The following PRKCE variants were observed in gnomAD, a reference collection of about 807,000 sequenced individuals.
The protein encoded by PRKCE is protein kinase C epsilon.
A neutral mutation model predicts 85.4 loss-of-function variants in PRKCE; 16 were observed. The observed-to-expected ratio is 0.19, with a 90% CI of 0.13 to 0.28. The LOEUF (loss-of-function observed/expected upper bound fraction) is 0.28. Ranked by LOEUF, PRKCE falls within the 10% of genes least tolerant of loss-of-function variation. The pLI, the probability that PRKCE is intolerant of heterozygous loss-of-function variation, is 1.00. For missense variants in PRKCE, 573 were observed against 975.2 expected (o/e 0.59, Z 5.49); for synonymous variants, 388 against 371.5 (o/e 1.04, Z -0.51).
At chr2:45,994,635 G>A (rs1412116723) in intron 6 of PRKCE, among the ~76,000 whole-genome samples, 1 of 152,136 alleles carries the variant, frequency 6.6e-6, no homozygotes, top group Non-Finnish European at 1.5e-5. Flanking sequence ...TTCTTTTTAA[G>A]GCTGGATAAT....
intron 1 of PRKCE, among the ~76,000 whole-genome samples, chr2:45,777,880 A>G (rs1437786586): frequency 6.6e-6 from 1 of 152,154 alleles, no homozygotes; most frequent in East Asian, 1.9e-4. Context: ...GATAGCAACA[A>G]TTCAACACAG....
chr2:46,063,348 GAAA>G (rs547596116), intron 10 of PRKCE, among the ~76,000 whole-genome samples: 6 of 118,020 alleles, frequency 5.1e-5, no homozygotes, highest in South Asian at 5.1e-4. Flanking sequence ...AAGTTGAACA[GAAA>G]AAAAAAAAAA....
intron 2 of PRKCE, among the ~76,000 whole-genome samples, chr2:45,931,724 TGA>T (rs58993200): frequency 7.2e-5 from 11 of 152,150 alleles, no homozygotes; most frequent in Admixed American, 5.2e-4. Context: ...TTTTTTTTTT[TGA>T]GAGAGAGTCT....
intron 1 of PRKCE, among the ~76,000 whole-genome samples, chr2:45,671,647 G>A (rs569465032): frequency 1.2e-4 from 19 of 152,090 alleles, no homozygotes; most frequent in Admixed American, 3.3e-4. Context: ...GGAAAGGTTC[G>A]TAGACCATTT....
chr2:45,919,686 C>T (rs1205834014), intron 2 of PRKCE, among the ~76,000 whole-genome samples: 1 of 152,216 alleles, frequency 6.6e-6, no homozygotes, highest in Non-Finnish European at 1.5e-5. Flanking sequence ...CATGAATTCC[C>T]CCCAACCTTT....
intron 1 of PRKCE, among the ~76,000 whole-genome samples, chr2:45,832,607 G>A (rs764791041): frequency 5.3e-5 from 8 of 152,068 alleles, no homozygotes; most frequent in Non-Finnish European, 1.0e-4. Context: ...CACCGCACCC[G>A]GCCAAGGAGC....
chr2:45,737,194 T>C (rs1682143902), intron 1 of PRKCE, among the ~76,000 whole-genome samples: 1 of 152,202 alleles, frequency 6.6e-6, no homozygotes, highest in African/African-American at 2.4e-5. Context: ...CGCAGCTGTC[T>C]TCAAAATGAA....
At chr2:45,667,828 C>G (rs962028114) in intron 1 of PRKCE, among the ~76,000 whole-genome samples, 1 of 151,948 alleles carries the variant, frequency 6.6e-6, no homozygotes, top group Non-Finnish European at 1.5e-5. Flanking sequence ...TGCAGCACAA[C>G]CACCAGATAT....
At chr2:45,723,163 A>G (rs1680760428) in intron 1 of PRKCE, among the ~76,000 whole-genome samples, 1 of 152,204 alleles carries the variant, frequency 6.6e-6, no homozygotes, top group Non-Finnish European at 1.5e-5. Flanking sequence ...ACTGTGGAAA[A>G]TAGAATATGG....
chr2:46,015,811 C>T (rs1706092298), intron 10 of PRKCE, among the ~76,000 whole-genome samples: 1 of 151,762 alleles, frequency 6.6e-6, no homozygotes, highest in Non-Finnish European at 1.5e-5. Context: ...GGATGGGTCT[C>T]TTTCCTGCTA....
chr2:45,977,588 G>C (rs961646791), intron 3 of PRKCE, among the ~76,000 whole-genome samples: 1 of 151,262 alleles, frequency 6.6e-6, no homozygotes, highest in African/African-American at 2.4e-5. Context: ...AGTGAGCCGA[G>C]ATCGCTATAC....
intron 2 of PRKCE, among the ~76,000 whole-genome samples, chr2:45,909,201 T>C (rs1697200700): frequency 6.6e-6 from 1 of 152,246 alleles, no homozygotes; most frequent in African/African-American, 2.4e-5. Context: ...CACAAAGCAC[T>C]TTCATGGTCA....
intron 2 of PRKCE, chr2:45,852,105 A>G (rs1047442990): frequency 6.6e-6 from 1 of 152,238 alleles, no homozygotes; most frequent in African/African-American, 2.4e-5. Context: ...ACTTGTCCCA[A>G]ACTTGGTCAT....
At chr2:45,927,708 A>G (rs1009458267) in intron 2 of PRKCE, among the ~76,000 whole-genome samples, 2 of 152,140 alleles carry the variant, frequency 1.3e-5, no homozygotes, top group Non-Finnish European at 2.9e-5. Context: ...AGAGGCTGAT[A>G]CTCTCTCCTG....
intron 5 of PRKCE, among the ~76,000 whole-genome samples, chr2:45,983,391 G>C (rs1353060650): frequency 6.6e-6 from 1 of 152,180 alleles, no homozygotes; most frequent in Admixed American, 6.5e-5. Context: ...GATCTCCCCA[G>C]CCCATGGATG....
intron 14 of PRKCE, among the ~76,000 whole-genome samples, chr2:46,169,321 A>T (rs1236727145): frequency 6.6e-6 from 1 of 152,192 alleles, no homozygotes; most frequent in East Asian, 1.9e-4. Context: ...GATTTGACTA[A>T]TACACAGTGG....
intron 11 of PRKCE, among the ~76,000 whole-genome samples, chr2:46,140,986 A>G (rs1412667035): frequency 1.3e-5 from 2 of 152,220 alleles, no homozygotes; most frequent in Non-Finnish European, 2.9e-5. Flanking sequence ...CCAAATCTTG[A>G]TAATATACCA....
intron 11 of PRKCE, among the ~76,000 whole-genome samples, chr2:46,093,045 A>G (rs1301974262): frequency 6.6e-6 from 1 of 152,192 alleles, no homozygotes; most frequent in Admixed American, 6.5e-5. Flanking sequence ...TTAGAAAGTC[A>G]CTGAGGGTAC....
At chr2:46,110,090 T>G (rs1244341109) in intron 11 of PRKCE, among the ~76,000 whole-genome samples, 1 of 152,146 alleles carries the variant, frequency 6.6e-6, no homozygotes, top group African/African-American at 2.4e-5. Context: ...TTGTTAGGCT[T>G]GCTAATTTTT....
Sources: allele counts gnomAD v4.1 joint callset (sites outside exome capture counted in the v4.1 genomes callset), GRCh38; gene constraint gnomAD v4.1.1; transcripts MANE v1.5; gene names NCBI Gene and HGNC (gene_info 2026-07-23, HGNC 2026-07-21).